Variants in UPP1 observed in about 807,000 individuals in gnomAD.
The protein encoded by UPP1 is UPase 1.
In UPP1, 25 loss-of-function variants were observed where a neutral mutation model predicts 29.6. The ratio of observed to expected loss-of-function variants is 0.85; its 90% CI spans 0.62 to 1.18. The LOEUF (loss-of-function observed/expected upper bound fraction) is 1.18, where lower values mean the gene tolerates loss of function less well. UPP1 is among the 50% of genes most tolerant of loss of function. The pLI is 0.00. For missense variants in UPP1, 368 were observed against 410.4 expected (o/e 0.90, Z 0.89); for synonymous variants, 165 against 159.8 (o/e 1.03, Z -0.25).
intron 3 of UPP1, among the ~76,000 whole-genome samples, chr7:48,095,389 G>A (rs1792074405): frequency 6.6e-6 from 1 of 151,756 alleles, no homozygotes; most frequent in African/African-American, 2.4e-5. Flanking sequence ...CTGTCCTGCC[G>A]CCATGGCCTC....
rs1792044693 is a variant in UPP1 at position 48,094,898 on chromosome 7, AC to A, written c.44+72del. On this transcript the variant is annotated intron_variant, in intron 3 of 8. Coordinates refer to ENST00000395564, the MANE Select transcript of UPP1 (RefSeq NM_003364.4). ...GTTTATAGAGCATATGTTGTGCCAC[AC>A]ATTTTTCTAAGGACTTGACATATAT... 2.8e-5 allele frequency: 44 copies of A among 1,544,334 alleles called. 1 individual carries two copies. The South Asian group carries it at 4.9e-4, about 17-fold the overall frequency.
intron 2 of UPP1, among the ~76,000 whole-genome samples, chr7:48,092,983 C>T (rs1366622691): frequency 6.6e-6 from 1 of 151,984 alleles, no homozygotes. Flanking sequence ...AGATTAGGGG[C>T]GTGGGCCACT....
chr7:48,092,827 C>T (rs555926941), intron 2 of UPP1, among the ~76,000 whole-genome samples: 4 of 152,040 alleles, frequency 2.6e-5, no homozygotes, highest in East Asian at 1.9e-4. Context: ...CTCAGCCTCC[C>T]GAGTAGCTGG....
chr7:48,106,039 A>G (rs879570820), intron 6 of UPP1: 2 of 152,284 alleles, frequency 1.3e-5, no homozygotes, highest in Admixed American at 6.5e-5. Flanking sequence ...TAATGCATCA[A>G]TCTGAGAGGA....
In UPP1 at chr7:48,108,139, C is replaced by T. The variant is rs1792869469; in HGVS notation, c.794-79C>T. On this transcript the variant is annotated intron_variant, in intron 8 of 8. Coordinates refer to ENST00000395564, the MANE Select transcript of UPP1 (RefSeq NM_003364.4). Reference sequence around the variant, plus strand: ...GAGGCAGAGAGGCTGCTCCTCAGAGCTCGTGGGTTCTTCATCCCGTCCCTG... The same window carrying T: ...GAGGCAGAGAGGCTGCTCCTCAGAGTTCGTGGGTTCTTCATCCCGTCCCTG... The T allele has an allele frequency of 6.4e-6, 10 of 1,556,240 alleles. No individual in the cohort carries two copies. The South Asian group carries it at 8.4e-5, about 13-fold the overall frequency.
chr7:48,095,042 T>C (rs111893048), intron 3 of UPP1, among the ~76,000 whole-genome samples: 4 of 152,294 alleles, frequency 2.6e-5, no homozygotes, highest in African/African-American at 9.6e-5. Context: ...CAGCTCTTGA[T>C]TCTTAGGACA....
At chr7:48,096,881 A>G (rs543894915) in intron 3 of UPP1, among the ~76,000 whole-genome samples, 103 of 151,926 alleles carry the variant, frequency 6.8e-4, no homozygotes, top group Non-Finnish European at 1.1e-3. Flanking sequence ...TGTATTTTTC[A>G]CAGAGACAGG....
intron 7 of UPP1, 124 bp downstream of exon 7, chr7:48,107,206 C>A (rs1368889892): frequency 1.4e-6 from 2 of 1,424,128 alleles, no homozygotes; most frequent in Non-Finnish European, 9.7e-7. Flanking sequence ...TACACTTCGC[C>A]CAGAGTGGTT....
At chr7:48,091,205 C>G (rs1052739432) in intron 2 of UPP1, among the ~76,000 whole-genome samples, 4 of 151,314 alleles carry the variant, frequency 2.6e-5, no homozygotes, top group Admixed American at 6.6e-5. Context: ...TGTTTACAAG[C>G]TAAGTTATTT....
chr7:48,100,889 T>A (rs1792380793), intron 4 of UPP1, among the ~76,000 whole-genome samples: 1 of 152,034 alleles, frequency 6.6e-6, no homozygotes. Context: ...TAATTAATAA[T>A]TCTTTTCTTT....
intron 5 of UPP1, among the ~76,000 whole-genome samples, 176 bp from the exon 6 acceptor site, chr7:48,103,121 A>G (rs1228760549): frequency 6.6e-6 from 1 of 152,226 alleles, no homozygotes; most frequent in Non-Finnish European, 1.5e-5. Context: ...ACAGCTTTGC[A>G]TACACTTTAA....
intron 8 of UPP1, among the ~76,000 whole-genome samples, 149 bp from the exon 9 acceptor site, chr7:48,108,065 CTCCA>C (rs1457658245): frequency 1.3e-5 from 2 of 152,232 alleles, no homozygotes; most frequent in African/African-American, 4.8e-5. Context: ...CCCTCCCGCA[CTCCA>C]TCCTCCGGCC....
At chr7:48,090,840 C>G (rs1354517571) in intron 2 of UPP1, among the ~76,000 whole-genome samples, 1 of 152,178 alleles carries the variant, frequency 6.6e-6, no homozygotes, top group Non-Finnish European at 1.5e-5. Context: ...TCACCGCAGA[C>G]CGTTTTAATT....
Position 48,108,613 on chromosome 7 carries a change from T to G in UPP1, c.*256T>G. On this transcript the variant is annotated 3_prime_UTR_variant, in exon 9 of 9. Transcript: ENST00000395564. ...CATTCTACCAAATTTTTGTACTATT[T>G]CTAGGGAAATTTTTCAGACTTTAAA... The G allele has an allele frequency of 3.0e-6, 1 of 338,546 alleles. No homozygotes were observed. The highest frequency in any genetic ancestry group is 4.9e-5 in the East Asian group (1 of 20,298). 21.0% of individuals were successfully genotyped at this position (338,546 alleles called of 1,614,324 possible). A position where few individuals can be genotyped will look rare whatever the true frequency, so the allele number is the denominator to read the frequency against.
At position 48,108,374 on chromosome 7, in the gene UPP1, C is replaced by T; in HGVS notation, c.*17C>T. 1 of 1,605,190 alleles carries T rather than the reference C, an allele frequency of 6.2e-7. No homozygotes were observed. The highest frequency in any genetic ancestry group is 8.5e-7 in the Non-Finnish European group (1 of 1,172,986). ...AAGGCCTGAGCGCTGCCCTGCACCT[C>T]CGCAGACCTGCTGTGATGACTTGCC... On this transcript the variant is annotated 3_prime_UTR_variant, in exon 9 of 9. Transcript: ENST00000395564.
At chr7:48,096,058 A>G (rs917342248) in intron 3 of UPP1, among the ~76,000 whole-genome samples, 2 of 152,150 alleles carry the variant, frequency 1.3e-5, no homozygotes, top group African/African-American at 4.8e-5. Flanking sequence ...TCCTCCTGCC[A>G]TGGCTTGAGG....
At chr7:48,097,620 A>G (rs1012055379) in intron 3 of UPP1, among the ~76,000 whole-genome samples, 1 of 152,204 alleles carries the variant, frequency 6.6e-6, no homozygotes, top group African/African-American at 2.4e-5. Context: ...AGGAGAAAAG[A>G]CAAGTATTTT....
rs181138015 is a variant in UPP1, at chr7:48,106,328, C to T, written c.437-545C>T. ...TTATTTTATTCTTTTTTTTTTCTTTCGAAATGGAGTTTGCTCTTTTTGCCC... is the reference window on the plus strand; with the variant it reads ...TTATTTTATTCTTTTTTTTTTCTTTTGAAATGGAGTTTGCTCTTTTTGCCC... On this transcript the variant is annotated intron_variant, in intron 6 of 8. Coordinates refer to ENST00000395564, the MANE Select transcript of UPP1 (RefSeq NM_003364.4). 469 of 152,226 alleles carry T rather than the reference C, an allele frequency of 3.1e-3. 1 individual carries two copies. The highest frequency in any genetic ancestry group is 2.3e-3 in the East Asian group (12 of 5,178). The allele number at this position is 152,226 out of a possible 1,614,324, so 9.4% of individuals were successfully genotyped here.
At chr7:48,093,394 C>T (rs1791950896) in intron 2 of UPP1, among the ~76,000 whole-genome samples, 1 of 152,238 alleles carries the variant, frequency 6.6e-6, no homozygotes, top group African/African-American at 2.4e-5. Flanking sequence ...AAAGCAGCTT[C>T]ACTTCACAGA....
Sources: allele counts gnomAD v4.1 joint callset (sites outside exome capture counted in the v4.1 genomes callset), GRCh38; gene constraint gnomAD v4.1.1; transcripts MANE v1.5; gene names NCBI Gene and HGNC (gene_info 2026-07-23, HGNC 2026-07-21).